Variants in MARS1 observed in about 807,000 individuals in gnomAD.
The protein encoded by MARS1 is methionine--tRNA ligase, cytoplasmic.
In MARS1, 80 loss-of-function variants were observed where a neutral mutation model predicts 119.5. The observed-to-expected ratio is 0.67, with a 90% CI of 0.56 to 0.81. The LOEUF (loss-of-function observed/expected upper bound fraction) is 0.81. Ranked by LOEUF, MARS1 falls within the 30% of genes least tolerant of loss-of-function variation. The pLI, the probability that MARS1 is intolerant of heterozygous loss-of-function variation, is 0.00. For missense variants in MARS1, 945 were observed against 1,116.5 expected, an observed-to-expected ratio of 0.85 and a Z score of 2.19; for synonymous variants, 418 against 433.4, an observed-to-expected ratio of 0.96 and a Z score of 0.44.
chr12:57,493,788 A>ATTATAATATATTATATG (rs1876352135), intron 7 of MARS1, among the ~76,000 whole-genome samples: 1 of 1,994 alleles, frequency 5.0e-4, no homozygotes, highest in Non-Finnish European at 8.1e-4. Flanking sequence ...TATATTATAT[A>ATTATAATATATTATATG]TTATATATTA....
chr12:57,502,837 A>G lies in MARS1; in HGVS notation c.1294-1388A>G, dbSNP rs149652773. Among the ~76,000 whole-genome samples the G allele has an allele frequency of 1.3e-3, 193 of 151,616 alleles. 4 individuals carry two copies. In the East Asian group the frequency reaches 0.028, roughly 22 times the overall value. On this transcript the variant is annotated intron_variant, in intron 10 of 20. Transcript: ENST00000262027. The stretch of plus-strand genomic sequence containing the variant: ...GATCAGGAGTTTGAGACCAGCCTAA[A>G]CAACATGGTGAAACTCCATCTCTAC...
chr12:57,506,850 C>CTTTT (rs35786533), intron 11 of MARS1, among the ~76,000 whole-genome samples: 1 of 128,152 alleles, frequency 7.8e-6, no homozygotes. Context: ...TAATTTTTGT[C>CTTTT]TTTTTTTTTT....
chr12:57,490,096 G>A, intron 5 of MARS1, 111 bp from the exon 6 acceptor site: 1 of 1,458,816 alleles, frequency 6.9e-7, no homozygotes, highest in Non-Finnish European at 9.6e-7. Context: ...GAAGATGGTT[G>A]AGGGAACTGG....
At chr12:57,498,398 C>T (rs545066946) in intron 8 of MARS1, 22 bp from the exon 9 acceptor site, 12 of 1,610,766 alleles carry the variant, frequency 7.4e-6, no homozygotes, top group East Asian at 4.5e-5. Flanking sequence ...GGCCCCCTAG[C>T]GATCACCATA....
chr12:57,499,601 CA>C (rs753629572), intron 9 of MARS1, among the ~76,000 whole-genome samples: 6,877 of 67,382 alleles, frequency 0.1, 193 homozygotes, highest in East Asian at 0.15. Flanking sequence ...GAGACTGTCT[CA>C]AAAAAAAAAA....
chr12:57,495,695 C>T (rs1594816804), intron 7 of MARS1, among the ~76,000 whole-genome samples: 1 of 152,354 alleles, frequency 6.6e-6, no homozygotes, highest in South Asian at 2.1e-4. Flanking sequence ...CGCCACTGCA[C>T]TCCAGCCTGG....
chr12:57,492,444 C>G (rs1328999130), intron 7 of MARS1, among the ~76,000 whole-genome samples: 1 of 151,712 alleles, frequency 6.6e-6, no homozygotes, highest in Admixed American at 6.6e-5. Flanking sequence ...GCCAAGGCGG[C>G]AGATCACCTG....
At position 57,515,337 on chromosome 12, in the gene MARS1, G is replaced by GA. The variant is rs1877745640; in HGVS notation, c.2391+1_2391+2insA. On this transcript the variant is annotated splice_donor_variant, in intron 18 of 20. Transcript: ENST00000262027. LOFTEE classifies it high-confidence loss of function. ...ACCAGCAGGACACCAGATTGGCACA[G>GA]TAGGTGGAAGAGCCAGCCTCTCTTA... is the stretch of plus-strand genomic sequence containing the variant. 4 of 1,611,680 alleles carry GA rather than the reference G, an allele frequency of 2.5e-6. No individual in the cohort carries two copies. The highest frequency in any genetic ancestry group is 3.4e-6 in the Non-Finnish European group (4 of 1,179,768).
At chr12:57,489,398 C>G (rs781692382) in intron 3 of MARS1, 26 bp from the exon 4 acceptor site, 66 of 1,614,024 alleles carry the variant, frequency 4.1e-5, no homozygotes, top group Admixed American at 6.7e-5. Flanking sequence ...GCGTGGCCAT[C>G]CTGACTCATG....
chr12:57,493,795 ATT>A (rs1876357267), intron 7 of MARS1, among the ~76,000 whole-genome samples: 2 of 822 alleles, frequency 2.4e-3, no homozygotes, highest in Admixed American at 0.083. Context: ...TATATTATAT[ATT>A]ATATTATATA....
At chr12:57,511,919 G>C in intron 12 of MARS1, 51 bp downstream of exon 12, 1 of 1,608,752 alleles carries the variant, frequency 6.2e-7, no homozygotes, top group Non-Finnish European at 8.5e-7. Context: ...TGAAACCCTG[G>C]GCTAGCAGAG....
chr12:57,515,031 A>C lies in MARS1; in HGVS notation c.2177A>C (p.Lys726Thr). The change falls in exon 17 of 21, where the codon AAG becomes ACG. Residue 726 changes from lysine (K) to threonine (T), a missense_variant. Transcript: ENST00000262027. ...NQYIQVNEPW[K>T]RIKGSEADRQ... ...TATATTCAGGTGAATGAGCCCTGGA[A>C]GCGGATTAAAGGCAGTGAGGCTGAC... The C allele has an allele frequency of 6.2e-7, 1 of 1,614,178 alleles. No homozygotes were observed. The highest frequency in any genetic ancestry group is 8.5e-7 in the Non-Finnish European group (1 of 1,180,038).
At chr12:57,510,621 ATT>A (rs1031708549) in intron 11 of MARS1, among the ~76,000 whole-genome samples, 1 of 147,484 alleles carries the variant, frequency 6.8e-6, no homozygotes, top group African/African-American at 2.5e-5. Flanking sequence ...AAAAAAGAAA[ATT>A]TTTTTTTTCT....
In MARS1 at chr12:57,512,254, A is replaced by G; in HGVS notation, c.1654A>G (p.Met552Val). Residue 552 changes from methionine (M) to valine (V), a missense_variant, in exon 14 of 21, where the codon ATG becomes GTG. Coordinates refer to ENST00000262027, the MANE Select transcript of MARS1 (RefSeq NM_004990.4). ...CCCCTAGGTGGACCTGTATCAGTTCATGGCCAAAGACAATGTTCCTTTCCA... is the reference window on the plus strand; with the variant it reads ...CCCCTAGGTGGACCTGTATCAGTTCGTGGCCAAAGACAATGTTCCTTTCCA... ...NPEQVDLYQF[M>V]AKDNVPFHSL... 1 of 1,614,110 alleles carries G rather than the reference A, an allele frequency of 6.2e-7. No homozygotes were observed. The highest frequency in any genetic ancestry group is 8.5e-7 in the Non-Finnish European group (1 of 1,179,968).
chr12:57,496,424 A>G lies in MARS1; in HGVS notation c.771-1733A>G, dbSNP rs960196069. 7.2e-5 allele frequency among the ~76,000 whole-genome samples: 11 copies of G among 151,866 alleles called. 1 individual carries two copies. The highest frequency in any genetic ancestry group is 5.9e-4 in the Admixed American group (9 of 15,254). ...GTGATCCGCCTGCCTGAGCCTCCCA[A>G]AGTGCTGGGATTACAGGCGTGAGCC... On this transcript the variant is annotated intron_variant, in intron 7 of 20. Coordinates refer to ENST00000262027, the MANE Select transcript of MARS1 (RefSeq NM_004990.4).
At chr12:57,515,826 C>CACATCA in intron 18 of MARS1, 94 bp from the exon 19 acceptor site, 1 of 902,354 alleles carries the variant, frequency 1.1e-6, no homozygotes, top group East Asian at 2.4e-5. Flanking sequence ...CTTTCTAAAA[C>CACATCA]ACATCAGAGA....
intron 8 of MARS1, 50 bp downstream of exon 8, chr12:57,498,323 A>G (rs2140016806): frequency 6.3e-7 from 1 of 1,598,464 alleles, no homozygotes; most frequent in Non-Finnish European, 8.6e-7. Context: ...GGCGGGTCCC[A>G]GGGGAATAGG....
intron 14 of MARS1, 76 bp from the exon 15 acceptor site, chr12:57,512,675 A>C (rs1877578928): frequency 3.4e-6 from 4 of 1,172,856 alleles, no homozygotes; most frequent in Non-Finnish European, 5.0e-6. Context: ...AAGAGGAAAG[A>C]AGGAAGAGTT....
rs771491287 is a variant in MARS1, at chr12:57,498,223, C to G, written c.837C>G (p.Pro279=). 3 of 1,614,188 alleles carry G rather than the reference C, an allele frequency of 1.9e-6. No homozygotes were observed. The East Asian group carries it at 6.7e-5, about 36-fold the overall frequency. Residue 279 remains proline, a synonymous_variant, in exon 8 of 21, where the codon CCC becomes CCG. Coordinates refer to ENST00000262027, the MANE Select transcript of MARS1 (RefSeq NM_004990.4). The part of the protein sequence containing the change: ...TSALPYVNNV[P]HLGNIIGCVL... The stretch of plus-strand genomic sequence containing the variant: ...CCCTCCCTTACGTCAACAATGTCCC[C>G]CACCTTGGGAACATCATTGGTTGTG...
Sources: gnomAD v4.1 joint callset for allele counts (sites outside exome capture counted in the v4.1 genomes callset) on GRCh38, gnomAD v4.1.1 for gene constraint, MANE v1.5 for transcripts, NCBI Gene and HGNC (gene_info 2026-07-23, HGNC 2026-07-21) for gene names.